Variants in VDAC1 observed in about 807,000 individuals in gnomAD.
VDAC1 encodes voltage dependent anion channel 1.
A neutral mutation model predicts 34.7 loss-of-function variants in VDAC1; 10 were observed. That is an observed-to-expected ratio of 0.29 (90% CI 0.18 to 0.49). VDAC1 has a LOEUF of 0.49. Among genes scored for constraint, VDAC1 ranks in the 20% least tolerant of loss-of-function variants. The pLI is 0.99. For synonymous variants in VDAC1, 130 were observed against 136.0 expected, an observed-to-expected ratio of 0.96 and a Z score of 0.30; for missense variants, 230 against 347.9, an observed-to-expected ratio of 0.66 and a Z score of 2.69.
chr5:134,006,311 G>C (rs1325399026), upstream of VDAC1, among the ~76,000 whole-genome samples: 1 of 152,214 alleles, frequency 6.6e-6, no homozygotes, highest in African/African-American at 2.4e-5. Flanking sequence ...AGAACTCAGG[G>C]AGGCCGGGCG....
the VDAC1 span, among the ~76,000 whole-genome samples, chr5:134,082,399 G>T: frequency 6.6e-6 from 1 of 152,184 alleles, no homozygotes; most frequent in Non-Finnish European, 1.5e-5. Context: ...CATACCAATA[G>T]TGAATTCCTT....
chr5:134,101,591 T>A, the VDAC1 span, among the ~76,000 whole-genome samples: 1 of 150,648 alleles, frequency 6.6e-6, no homozygotes, highest in African/African-American at 2.4e-5. Flanking sequence ...GCCTGTGAGC[T>A]GTTGTGAGCT....
chr5:134,009,244 A>ATT (rs1561606299), upstream of VDAC1, among the ~76,000 whole-genome samples: 7 of 138,252 alleles, frequency 5.1e-5, no homozygotes, highest in South Asian at 2.3e-4. Flanking sequence ...GAATTTATCA[A>ATT]TTCTTTTTTT....
At chr5:134,052,546 G>A in the VDAC1 span, among the ~76,000 whole-genome samples, 1 of 152,066 alleles carries the variant, frequency 6.6e-6, no homozygotes, top group Non-Finnish European at 1.5e-5. Context: ...TCCTCCCAAA[G>A]TGCTGGGATC....
At chr5:133,991,909 G>A (rs536400099) in intron 3 of VDAC1, among the ~76,000 whole-genome samples, 1 of 152,188 alleles carries the variant, frequency 6.6e-6, no homozygotes, top group South Asian at 2.1e-4. Context: ...TAACAAACCT[G>A]CACATGTACA....
chr5:134,031,822 G>A, the VDAC1 span, among the ~76,000 whole-genome samples: 1 of 151,752 alleles, frequency 6.6e-6, no homozygotes, highest in African/African-American at 2.4e-5. Context: ...ATGGTGGCAG[G>A]TGCCTGTAAT....
chr5:134,108,703 G>A, the VDAC1 span, among the ~76,000 whole-genome samples: 1 of 152,154 alleles, frequency 6.6e-6, no homozygotes, highest in Non-Finnish European at 1.5e-5. Flanking sequence ...TGGAGGAATT[G>A]TCCTAGGTGG....
At chr5:134,101,328 G>A in the VDAC1 span, among the ~76,000 whole-genome samples, 110,080 of 151,984 alleles carry the variant, frequency 0.72, 41,001 homozygotes, top group Non-Finnish European at 0.82. Context: ...GGTGGCTCAC[G>A]CCTGTAATCC....
chr5:133,997,701 G>A (rs1410528603), intron 1 of VDAC1, among the ~76,000 whole-genome samples: 2 of 104,836 alleles, frequency 1.9e-5, no homozygotes, highest in African/African-American at 7.4e-5. Context: ...GAGCGAGACT[G>A]TCTCACAAAA....
At chr5:133,995,508 CT>C (rs1753264704) in intron 1 of VDAC1, among the ~76,000 whole-genome samples, 2 of 152,152 alleles carry the variant, frequency 1.3e-5, no homozygotes, top group Non-Finnish European at 2.9e-5. Flanking sequence ...ACAGAAACCA[CT>C]GGCTGAATGG....
chr5:134,053,560 G>T, the VDAC1 span, among the ~76,000 whole-genome samples: 1 of 152,192 alleles, frequency 6.6e-6, no homozygotes, highest in African/African-American at 2.4e-5. Context: ...TCACCCCAGG[G>T]CAGCTGCTCT....
the VDAC1 span, among the ~76,000 whole-genome samples, chr5:134,076,619 G>T: frequency 6.6e-6 from 1 of 152,238 alleles, no homozygotes; most frequent in Non-Finnish European, 1.5e-5. Flanking sequence ...CCATACCCAG[G>T]CAGGCTCATC....
At chr5:134,107,116 A>C in the VDAC1 span, among the ~76,000 whole-genome samples, 1 of 152,198 alleles carries the variant, frequency 6.6e-6, no homozygotes, top group African/African-American at 2.4e-5. Flanking sequence ...GAGGTGTCCA[A>C]ACCTTTGCCC....
intron 3 of VDAC1, 25 bp downstream of exon 3, chr5:133,992,281 G>T: frequency 6.7e-7 from 1 of 1,498,176 alleles, no homozygotes; most frequent in East Asian, 2.5e-5. Context: ...AAATACTCAT[G>T]TTCCATGTGG....
chr5:133,998,746 A>T (rs759591594), intron 1 of VDAC1, among the ~76,000 whole-genome samples: 9 of 152,248 alleles, frequency 5.9e-5, no homozygotes, highest in Non-Finnish European at 1.2e-4. Flanking sequence ...GGTGACCACT[A>T]GTGGCTTGGC....
intron 5 of VDAC1, among the ~76,000 whole-genome samples, chr5:133,986,440 A>G (rs965176939): frequency 6.6e-6 from 1 of 151,804 alleles, no homozygotes; most frequent in African/African-American, 2.4e-5. Context: ...TCTGTCGCCC[A>G]CATTGGAGTG....
chr5:134,113,909 G>A, the VDAC1 span, among the ~76,000 whole-genome samples: 1 of 152,198 alleles, frequency 6.6e-6, no homozygotes, highest in East Asian at 1.9e-4. Flanking sequence ...CCGCGCCCAC[G>A]TGGCTGCCCA....
chr5:134,091,864 A>G, the VDAC1 span, among the ~76,000 whole-genome samples: 2 of 152,364 alleles, frequency 1.3e-5, no homozygotes, highest in African/African-American at 4.8e-5. Context: ...GAAATCATGC[A>G]ATCCAGCTCC....
the VDAC1 span, among the ~76,000 whole-genome samples, chr5:134,016,625 C>T: frequency 6.6e-6 from 1 of 152,196 alleles, no homozygotes; most frequent in Non-Finnish European, 1.5e-5. Flanking sequence ...ACCATGGCCT[C>T]TGCTAACGGG....
Sources: allele counts gnomAD v4.1 joint callset (sites outside exome capture counted in the v4.1 genomes callset), GRCh38; gene constraint gnomAD v4.1.1; transcripts MANE v1.5; gene names NCBI Gene and HGNC (gene_info 2026-07-23, HGNC 2026-07-21).